Variants in CHN1 observed in about 807,000 individuals in gnomAD.
CHN1 encodes N-chimaerin.
Under a neutral mutation model 59.5 loss-of-function variants are expected in CHN1, and 37 were observed. The observed-to-expected ratio is 0.62, with a 90% CI of 0.48 to 0.82. The LOEUF is 0.82. Among genes scored for constraint, CHN1 ranks in the 40% least tolerant of loss-of-function variants. CHN1 has a pLI of 0.00. For synonymous variants in CHN1, 206 were observed against 200.4 expected (o/e 1.03, Z -0.24); for missense variants, 469 against 571.0 (o/e 0.82, Z 1.82).
At chr2:174,963,550 C>T (rs941391568) in intron 1 of CHN1, among the ~76,000 whole-genome samples, 6 of 152,168 alleles carry the variant, frequency 3.9e-5, no homozygotes, top group African/African-American at 9.7e-5. Flanking sequence ...TGAGGAACTG[C>T]AAACAATGCA....
chr2:174,892,130 C>T (rs1688071607), intron 5 of CHN1, among the ~76,000 whole-genome samples: 1 of 152,094 alleles, frequency 6.6e-6, no homozygotes, highest in Non-Finnish European at 1.5e-5. Flanking sequence ...AAGAAAAGGA[C>T]AGGACCAGAT....
chr2:174,830,647 G>A (rs1213506532), intron 7 of CHN1, among the ~76,000 whole-genome samples: 1 of 152,184 alleles, frequency 6.6e-6, no homozygotes, highest in Non-Finnish European at 1.5e-5. Context: ...AAATGCACCA[G>A]GCACTTGCTG....
chr2:174,883,102 C>A (rs149696037), intron 5 of CHN1, among the ~76,000 whole-genome samples: 2,031 of 152,242 alleles, frequency 0.013, 22 homozygotes, highest in Admixed American at 0.024. Context: ...AACTAAACTT[C>A]CAAAGAAGCC....
chr2:174,939,959 G>A (rs1344026699), intron 3 of CHN1, among the ~76,000 whole-genome samples: 2 of 152,088 alleles, frequency 1.3e-5, no homozygotes, highest in Non-Finnish European at 2.9e-5. Context: ...TTTTAAACCA[G>A]AAGTCACAAT....
chr2:174,969,405 G>A (rs2080408), intron 1 of CHN1, among the ~76,000 whole-genome samples: 6,035 of 152,274 alleles, frequency 0.04, 168 homozygotes, highest in Middle Eastern at 0.071. Flanking sequence ...TCATGTGCAC[G>A]CACACCAATT....
At chr2:174,872,989 A>C (rs1222392728) in intron 6 of CHN1, among the ~76,000 whole-genome samples, 1 of 151,574 alleles carries the variant, frequency 6.6e-6, no homozygotes, top group Non-Finnish European at 1.5e-5. Context: ...GAGGTTAAGG[A>C]CTTGTTCAAG....
At chr2:174,989,327 G>A (rs1691462615) in intron 1 of CHN1, among the ~76,000 whole-genome samples, 1 of 152,032 alleles carries the variant, frequency 6.6e-6, no homozygotes, top group Non-Finnish European at 1.5e-5. Context: ...AGTGAGCTGA[G>A]ATGGCACCAC....
chr2:174,800,434 G>C (rs1258166495), intron 12 of CHN1, 147 bp from the exon 13 acceptor site: 1 of 540,830 alleles, frequency 1.8e-6, no homozygotes, highest in East Asian at 3.1e-5. Context: ...TAATTTCAAA[G>C]TACTGACTTT....
At chr2:174,826,762 A>T (rs1468395114) in intron 7 of CHN1, among the ~76,000 whole-genome samples, 1 of 152,188 alleles carries the variant, frequency 6.6e-6, no homozygotes, top group Admixed American at 6.5e-5. Context: ...ATATTTCTTT[A>T]TATTAGATAT....
intron 7 of CHN1, among the ~76,000 whole-genome samples, chr2:174,826,836 G>C (rs980837959): frequency 3.3e-5 from 5 of 152,166 alleles, no homozygotes; most frequent in Non-Finnish European, 7.4e-5. Flanking sequence ...GGTTACACAT[G>C]TATCTCAGAA....
chr2:174,846,971 AAG>A lies in CHN1; in HGVS notation c.550-16_550-15del. The A allele has an allele frequency of 1.3e-6, 2 of 1,553,182 alleles. No homozygotes were observed. Among genetic ancestry groups the A allele is most frequent in the Non-Finnish European group, 1.7e-6 (2 of 1,147,538 alleles). ...AAGTGATGTCAACTGCGAATAAGCA[AAG>A]AGTTTCAGAGGTTGCCAGATTGTCA... is the stretch of plus-strand genomic sequence containing the variant. On this transcript the variant is annotated splice_polypyrimidine_tract_variant and intron_variant, in intron 6 of 12. Transcript: ENST00000409900.
intron 5 of CHN1, among the ~76,000 whole-genome samples, chr2:174,895,907 T>C (rs1235262882): frequency 6.6e-6 from 1 of 152,172 alleles, no homozygotes; most frequent in Non-Finnish European, 1.5e-5. Context: ...GAAATGAATG[T>C]GATTAAAATC....
intron 4 of CHN1, 22 bp from the exon 5 acceptor site, chr2:174,915,193 G>C: frequency 6.5e-7 from 1 of 1,545,194 alleles, no homozygotes; most frequent in Non-Finnish European, 8.9e-7. Context: ...AGTCTATTCA[G>C]AAACTGTGCT....
At chr2:174,911,134 AAAAATGGCCCATAG>A (rs1688691511) in intron 5 of CHN1, among the ~76,000 whole-genome samples, 2 of 152,180 alleles carry the variant, frequency 1.3e-5, no homozygotes, top group African/African-American at 4.8e-5. Flanking sequence ...AGTAAACCAG[AAAAATGGCCCATAG>A]AAAATGTCCA....
intron 3 of CHN1, among the ~76,000 whole-genome samples, chr2:174,936,152 T>C (rs1689489060): frequency 6.6e-6 from 1 of 152,274 alleles, no homozygotes; most frequent in South Asian, 2.1e-4. Flanking sequence ...GACAACCTCA[T>C]TGTTACTATA....
At chr2:174,955,581 TA>T (rs1200231366) in intron 1 of CHN1, among the ~76,000 whole-genome samples, 1 of 151,830 alleles carries the variant, frequency 6.6e-6, no homozygotes, top group African/African-American at 2.4e-5. Context: ...AAATCACCAC[TA>T]AAGAACTTAT....
At chr2:174,839,169 T>G (rs1208660357) in intron 7 of CHN1, among the ~76,000 whole-genome samples, 1 of 152,166 alleles carries the variant, frequency 6.6e-6, no homozygotes, top group African/African-American at 2.4e-5. Flanking sequence ...CCTCACATAT[T>G]TTTTGTAGTG....
intron 1 of CHN1, among the ~76,000 whole-genome samples, chr2:174,980,757 C>A (rs1407490450): frequency 6.6e-6 from 1 of 151,704 alleles, no homozygotes; most frequent in Non-Finnish European, 1.5e-5. Flanking sequence ...TGCAAACTTG[C>A]AAATGAATCT....
Position 174,799,985 on chromosome 2 carries a change from G to C in CHN1, c.*131C>G. Reference sequence around the variant, plus strand: ...AGCGGTGCTACAAAAACAACAGAAAGTTCCTTCACTTTAATCTGGTTATAT... The same window carrying C: ...AGCGGTGCTACAAAAACAACAGAAACTTCCTTCACTTTAATCTGGTTATAT... On this transcript the variant is annotated 3_prime_UTR_variant, in exon 13 of 13. Coordinates refer to ENST00000409900, the MANE Select transcript of CHN1 (RefSeq NM_001822.7). 1 of 860,408 alleles carries C rather than the reference G, an allele frequency of 1.2e-6. No homozygotes were observed. The highest frequency in any genetic ancestry group is 1.9e-6 in the Non-Finnish European group (1 of 531,810). The allele number at this position is 860,408 out of a possible 1,614,324, so 53.3% of individuals were successfully genotyped here.
Sources: gnomAD v4.1 joint callset for allele counts (sites outside exome capture counted in the v4.1 genomes callset) on GRCh38, gnomAD v4.1.1 for gene constraint, MANE v1.5 for transcripts, NCBI Gene and HGNC (gene_info 2026-07-23, HGNC 2026-07-21) for gene names.